Variants in DPF1 observed in about 807,000 individuals in gnomAD.
DPF1 encodes the protein zinc finger protein neuro-d4.
In DPF1, 14 loss-of-function variants were observed where a neutral mutation model predicts 58.7. The observed-to-expected ratio is 0.24, with a 90% confidence interval of 0.16 to 0.37. The LOEUF (loss-of-function observed/expected upper bound fraction) is 0.37, where lower values mean the gene tolerates loss of function less well. Ranked by LOEUF, DPF1 falls within the 10% of genes least tolerant of loss-of-function variation. The pLI is 1.00. For synonymous variants in DPF1, 216 were observed against 216.0 expected, an observed-to-expected ratio of 1.00 and a Z score of 0.00; for missense variants, 345 against 529.9, an observed-to-expected ratio of 0.65 and a Z score of 3.43.
chr19:38,221,175 G>A (rs934109773), intron 3 of DPF1, among the ~76,000 whole-genome samples: 1 of 152,066 alleles, frequency 6.6e-6, no homozygotes, highest in Non-Finnish European at 1.5e-5. Flanking sequence ...GCTCCAACCA[G>A]ACACTGAGAC....
chr19:38,220,388 G>A (rs541770030), intron 3 of DPF1, among the ~76,000 whole-genome samples: 30 of 152,180 alleles, frequency 2.0e-4, no homozygotes, highest in African/African-American at 6.5e-4. Flanking sequence ...TTGGGAGGCC[G>A]AGGCGGGCAG....
At position 38,222,846 on chromosome 19, in the gene DPF1, T is replaced by C. The variant is rs1198230158; in HGVS notation, c.30-138A>G. ...CCCTCCAGCCTCACCTCTCCCCTCC[T>C]CCCACTCCGGGACCCAGGCTGGGGG... is the stretch of plus-strand genomic sequence containing the variant. On this transcript the variant is annotated intron_variant, in intron 1 of 11. Coordinates refer to ENST00000355526, the MANE Select transcript of DPF1 (RefSeq NM_001135155.3). The surrounding 1 kb of genome is among the most constrained non-coding windows in gnomAD (Gnocchi z 4.9). The C allele has an allele frequency of 8.1e-6, 10 of 1,239,946 alleles. No individual in the cohort carries two copies. Among genetic ancestry groups the C allele is most frequent in the Admixed American group, 3.5e-5 (1 of 28,302 alleles). 76.8% of individuals were successfully genotyped at this position (1,239,946 alleles called of 1,614,324 possible).
chr19:38,216,337 A>G lies in DPF1; in HGVS notation c.778+16T>C. ...AGGTGGCTGCAGACTTTAGGAGCAG[A>G]AGGAGGCATCCGTACCTGTGTGTTT... On this transcript the variant is annotated intron_variant, in intron 8 of 11. Coordinates refer to ENST00000355526, the MANE Select transcript of DPF1 (RefSeq NM_001135155.3). 1 of 1,604,850 alleles carries G rather than the reference A, an allele frequency of 6.2e-7. No individual in the cohort carries two copies. The highest frequency in any genetic ancestry group is 8.5e-7 in the Non-Finnish European group (1 of 1,174,216).
chr19:38,216,325 CTT>C, intron 8 of DPF1, 26 bp downstream of exon 8: 2 of 1,606,064 alleles, frequency 1.2e-6, no homozygotes, highest in Non-Finnish European at 1.7e-6. Context: ...TGGCTGCAGA[CTT>C]TAGGAGCAGA....
rs1174331328 is a variant in DPF1 at position 38,222,225 on chromosome 19, G to A, written c.298+132C>T. ...TGTGGAATCTCTGGGAAACACCCGG[G>A]ACGCACATGGGCAGACAGACACACA... On this transcript the variant is annotated intron_variant, in intron 3 of 11. Coordinates refer to ENST00000355526, the MANE Select transcript of DPF1 (RefSeq NM_001135155.3). The surrounding 1 kb of genome is among the most constrained non-coding windows in gnomAD (Gnocchi z 4.9). The A allele has an allele frequency of 2.6e-5, 20 of 762,540 alleles. No individual in the cohort carries two copies. Among genetic ancestry groups the A allele is most frequent in the South Asian group, 1.7e-4 (9 of 54,506 alleles). 47.2% of individuals were successfully genotyped at this position (762,540 alleles called of 1,614,324 possible).
chr19:38,213,818 G>A (rs911465309), intron 9 of DPF1, 62 bp from the exon 10 acceptor site: 48 of 1,404,074 alleles, frequency 3.4e-5, no homozygotes, highest in Non-Finnish European at 4.3e-5. Context: ...GGCACTGACC[G>A]GCAGGGGAGC....
rs754951280 is a variant in DPF1 at position 38,211,940 on chromosome 19, GC to G, written c.*122del. The G allele has an allele frequency of 2.0e-5, 22 of 1,120,652 alleles. 1 individual carries two copies. In the East Asian group the frequency reaches 2.1e-4, roughly 10 times the overall value. The allele number at this position is 1,120,652 out of a possible 1,614,324, so 69.4% of individuals were successfully genotyped here. ...TGCACAGAGGGGAGGGGGTGGCCCA[GC>G]CCCCTCTCGGCTTCCCCCTCTCCCC... is the stretch of plus-strand genomic sequence containing the variant. On this transcript the variant is annotated 3_prime_UTR_variant, in exon 12 of 12. Transcript: ENST00000355526. This position sits in a 1 kb window ranked among gnomAD's most constrained non-coding sequence, Gnocchi z 4.0.
Position 38,224,222 on chromosome 19 carries a change from A to G in DPF1, c.-80T>C. 1.5e-6 allele frequency: 2 copies of G among 1,304,306 alleles called. No homozygotes were observed. Among genetic ancestry groups the G allele is most frequent in the Non-Finnish European group, 1.9e-6 (2 of 1,025,830 alleles). 80.8% of individuals were successfully genotyped at this position (1,304,306 alleles called of 1,614,324 possible). A position where few individuals can be genotyped will look rare whatever the true frequency, so the allele number is the denominator to read the frequency against. On this transcript the variant is annotated 5_prime_UTR_variant, in exon 1 of 12. Transcript: ENST00000355526. This position sits in a 1 kb window ranked among gnomAD's most constrained non-coding sequence, Gnocchi z 4.5. ...GGTCGGGCGGGCGCTGAGGCCGCCC[A>G]TCCATTCATTCCCGGGGGGCGGGAG...
Position 38,213,632 on chromosome 19 carries a change from G to A in DPF1, c.1011+12C>T, listed in dbSNP as rs748447922. 2.5e-6 allele frequency: 4 copies of A among 1,609,586 alleles called. No individual in the cohort carries two copies. Among genetic ancestry groups the A allele is most frequent in the Non-Finnish European group, 3.4e-6 (4 of 1,177,076 alleles). On this transcript the variant is annotated intron_variant, in intron 10 of 11. Coordinates refer to ENST00000355526, the MANE Select transcript of DPF1 (RefSeq NM_001135155.3). ...CGGGCAGCAGGGCACGCGGGGGGCG[G>A]GCGGCACTCACGTCGTTCTCGGAGG...
intron 6 of DPF1, 52 bp downstream of exon 6, chr19:38,217,746 G>A (rs1409070451): frequency 5.0e-6 from 8 of 1,610,154 alleles, no homozygotes; most frequent in Non-Finnish European, 3.4e-6. Flanking sequence ...ACGAGGTGGG[G>A]AGTCTCTGGG....
rs1967952344 is a variant in DPF1, at chr19:38,229,316, C to T, written c.-132+243G>A. 6.6e-6 allele frequency among the ~76,000 whole-genome samples: 1 copy of T among 152,070 alleles called. No individual in the cohort carries two copies. The highest frequency in any genetic ancestry group is 6.5e-5 in the Admixed American group (1 of 15,280). ...GAAACGGCCTCCGCCACCCCCAGCC[C>T]GCGCCGCATTCCTTCACTGACAGCG... On this transcript the variant is annotated intron_variant, in intron 1 of 11. Transcript: ENST00000412732. The surrounding 1 kb of genome is among the most constrained non-coding windows in gnomAD (Gnocchi z 5.3).
At chr19:38,216,026 C>A in intron 9 of DPF1, 114 bp downstream of exon 9, 2 of 1,485,598 alleles carry the variant, frequency 1.3e-6, no homozygotes, top group Non-Finnish European at 1.8e-6. Flanking sequence ...CACAGTATCC[C>A]CTACATGCTC....
At chr19:38,212,238 T>TGGGGGGGGGGGCC in intron 11 of DPF1, 42 bp downstream of exon 11, 2 of 585,174 alleles carry the variant, frequency 3.4e-6, no homozygotes, top group Non-Finnish European at 5.9e-6. Context: ...GAGATGGCGT[T>TGGGGGGGGGGGCC]CCCACCCACC....
chr19:38,213,989 A>G (rs1371736357), intron 9 of DPF1: 2 of 530,422 alleles, frequency 3.8e-6, no homozygotes, highest in Non-Finnish European at 6.8e-6. Flanking sequence ...TGCTCCCCAG[A>G]ACGCCATGGC....
chr19:38,219,103 G>C (rs565173249), intron 3 of DPF1, 45 bp from the exon 4 acceptor site: 2 of 1,608,050 alleles, frequency 1.2e-6, no homozygotes, highest in Admixed American at 3.3e-5. Context: ...AGTTGACCCC[G>C]GAGGACTCCT....
At chr19:38,226,692 C>A (rs984151264), upstream of DPF1, among the ~76,000 whole-genome samples, 1 of 152,050 alleles carries the variant, frequency 6.6e-6, no homozygotes, top group East Asian at 1.9e-4. Flanking sequence ...GACACCCCTA[C>A]GATCACTCTG....
At chr19:38,228,540 C>T (rs1022744381), upstream of DPF1, 1 of 129,660 alleles carries the variant, frequency 7.7e-6, no homozygotes, top group African/African-American at 2.8e-5. Flanking sequence ...CCACCAGGCC[C>T]GGGAGGAGGG....
At position 38,211,247 on chromosome 19, in the gene DPF1, G is replaced by C. The variant is rs1600223907; in HGVS notation, c.*816C>G. The C allele has an allele frequency of 6.6e-6, 1 of 152,264 alleles. No individual in the cohort carries two copies. The highest frequency in any genetic ancestry group is 2.4e-5 in the African/African-American group (1 of 41,458). The allele number at this position is 152,264 out of a possible 1,614,324, so 9.4% of individuals were successfully genotyped here. On this transcript the variant is annotated 3_prime_UTR_variant, in exon 12 of 12. Transcript: ENST00000355526. The surrounding 1 kb of genome is among the most constrained non-coding windows in gnomAD (Gnocchi z 4.0). ...CTCACTCCCCCAAAATGGCCAGCGA[G>C]GGGGGCGGGGGCCGCCAGGCCTGGC...
At chr19:38,212,989 G>GT (rs1186926618) in intron 10 of DPF1, among the ~76,000 whole-genome samples, 5,981 of 133,384 alleles carry the variant, frequency 0.045, 219 homozygotes, top group African/African-American at 0.1. Flanking sequence ...GTTTTTGTTT[G>GT]TTTTTTTTTT....
Sources: allele counts gnomAD v4.1 joint callset (sites outside exome capture counted in the v4.1 genomes callset), GRCh38; gene constraint gnomAD v4.1.1; non-coding constraint Gnocchi (gnomAD v3.1); transcripts MANE v1.5; gene names NCBI Gene and HGNC (gene_info 2026-07-23, HGNC 2026-07-21).